SCUBE1: variants seen among roughly 807,000 people sequenced by gnomAD.
SCUBE1 encodes the protein signal peptide, CUB domain and EGF like domain containing 1, also known as signal peptide, CUB and EGF-like domain-containing protein 1.
In SCUBE1, 59 loss-of-function variants were observed where a neutral mutation model predicts 124.4. The observed-to-expected ratio is 0.47, with a 90% CI of 0.38 to 0.59. The LOEUF is 0.59. Ranked by LOEUF, SCUBE1 falls within the 20% of genes least tolerant of loss-of-function variation. The pLI is 0.00. For synonymous variants in SCUBE1, 545 were observed against 550.9 expected (o/e 0.99, Z 0.15); for missense variants, 1,150 against 1,371.2 (o/e 0.84, Z 2.55).
intron 1 of SCUBE1, among the ~76,000 whole-genome samples, 193 bp from the exon 2 acceptor site, chr22:43,339,428 G>GT (rs1317784341): frequency 6.6e-6 from 1 of 152,032 alleles, no homozygotes; most frequent in Non-Finnish European, 1.5e-5. Context: ...GCTACTCTGT[G>GT]GCAGGGACAA....
chr22:43,307,453 G>A (rs1272012971), intron 3 of SCUBE1, among the ~76,000 whole-genome samples: 1 of 152,242 alleles, frequency 6.6e-6, no homozygotes, highest in African/African-American at 2.4e-5. Flanking sequence ...GAGAAACAAG[G>A]AGAGCTGCGC....
chr22:43,273,950 G>C (rs1228224069), intron 4 of SCUBE1, among the ~76,000 whole-genome samples: 1 of 152,132 alleles, frequency 6.6e-6, no homozygotes, highest in Non-Finnish European at 1.5e-5. Flanking sequence ...CAAGCTGCAG[G>C]GGGTGCTCTG....
intron 3 of SCUBE1, among the ~76,000 whole-genome samples, chr22:43,304,967 G>C (rs1040064626): frequency 6.6e-6 from 1 of 152,116 alleles, no homozygotes; most frequent in African/African-American, 2.4e-5. Context: ...AATCTCAGAG[G>C]CCCCTCACCT....
Position 43,198,804 on chromosome 22 carries a change from T to TGGG in SCUBE1, c.*5192_*5193insCCC, listed in dbSNP as rs995203267. The TGGG allele has an allele frequency of 3.5e-5, 15 of 434,252 alleles. No homozygotes were observed. The Admixed American group carries it at 3.6e-4, about 10-fold the overall frequency. 26.9% of individuals were successfully genotyped at this position (434,252 alleles called of 1,614,324 possible). A position where few individuals can be genotyped will look rare whatever the true frequency, so the allele number is the denominator to read the frequency against. On this transcript the variant is annotated 3_prime_UTR_variant, in exon 22 of 22. Transcript: ENST00000360835. ...AGGTGAGCAGGCTGTCCAGGGCAGC[T>TGGG]TGTCTGCTGTCTGGGGCAGGGTGTC...
At chr22:43,261,428 C>T (rs1205551893) in intron 5 of SCUBE1, among the ~76,000 whole-genome samples, 1 of 152,238 alleles carries the variant, frequency 6.6e-6, no homozygotes, top group Non-Finnish European at 1.5e-5. Context: ...GAAGCACCTT[C>T]ACTTTGAAGA....
At chr22:43,244,748 A>T (rs1424120587) in intron 6 of SCUBE1, among the ~76,000 whole-genome samples, 1 of 152,180 alleles carries the variant, frequency 6.6e-6, no homozygotes, top group Non-Finnish European at 1.5e-5. Context: ...AACATCGCTG[A>T]GGTGCTTTTC....
chr22:43,269,507 C>T (rs562225970), intron 4 of SCUBE1, among the ~76,000 whole-genome samples: 97 of 152,254 alleles, frequency 6.4e-4, no homozygotes, highest in African/African-American at 2.1e-3. Context: ...TCCTGAGGGT[C>T]GTTGCTATGG....
At chr22:43,214,054 C>G in intron 16 of SCUBE1, 36 bp downstream of exon 16, 1 of 351,616 alleles carries the variant, frequency 2.8e-6, no homozygotes, top group East Asian at 9.1e-5. Context: ...CCCGCCCACC[C>G]CCCACCCCCA....
chr22:43,231,470 G>A (rs965415640), intron 8 of SCUBE1, among the ~76,000 whole-genome samples: 1 of 152,270 alleles, frequency 6.6e-6, no homozygotes, highest in Non-Finnish European at 1.5e-5. Flanking sequence ...TGGGAGGCCC[G>A]TGGGCCACCT....
chr22:43,271,447 T>C (rs954911455), intron 4 of SCUBE1, among the ~76,000 whole-genome samples: 23 of 152,198 alleles, frequency 1.5e-4, no homozygotes, highest in Admixed American at 1.2e-3. Flanking sequence ...GGATTTGGAC[T>C]GTGTCGGAAC....
At chr22:43,320,965 C>T (rs17003655) in intron 2 of SCUBE1, among the ~76,000 whole-genome samples, 12,446 of 152,236 alleles carry the variant, frequency 0.082, 837 homozygotes, top group East Asian at 0.33. Context: ...GGTGCCGGCT[C>T]TTCTGCAGGG....
In SCUBE1 at chr22:43,211,025, G is replaced by A. The variant is rs76683475; in HGVS notation, c.2280C>T (p.Pro760=). Residue 760 remains proline, a synonymous_variant, in exon 18 of 22, where the codon CCC becomes CCT. Coordinates refer to ENST00000360835, the MANE Select transcript of SCUBE1 (RefSeq NM_173050.5). This position sits in a 1 kb window ranked among gnomAD's most constrained non-coding sequence, Gnocchi z 4.5. ...CAAACTCGGGCTGGTAGGTGCCGACGGGGCAGCGGATGCAGCGGTGGGTGG... is the reference window on the plus strand; with the variant it reads ...CAAACTCGGGCTGGTAGGTGCCGACAGGGCAGCGGATGCAGCGGTGGGTGG... ...NTTTHRCIRC[P]VGTYQPEFGQ... 6.2e-3 allele frequency: 10,041 copies of A among 1,614,042 alleles called. 284 individuals are homozygous for A. In the African/African-American group the frequency reaches 0.078, roughly 13 times the overall value.
intron 4 of SCUBE1, among the ~76,000 whole-genome samples, chr22:43,274,812 G>A (rs138872944): frequency 1.8e-4 from 27 of 152,338 alleles, no homozygotes; most frequent in Middle Eastern, 3.4e-3. Context: ...TCCCGGCTGC[G>A]TCACAAGCAG....
chr22:43,243,364 C>T (rs377098909), intron 6 of SCUBE1, among the ~76,000 whole-genome samples: 12 of 152,288 alleles, frequency 7.9e-5, no homozygotes, highest in African/African-American at 2.6e-4. Context: ...GGCTGGGGCT[C>T]GAAAGCATGT....
chr22:43,224,301 C>T (rs150420592), intron 10 of SCUBE1, among the ~76,000 whole-genome samples: 10 of 152,248 alleles, frequency 6.6e-5, no homozygotes, highest in Admixed American at 6.5e-4. Flanking sequence ...GCTGCTCTCT[C>T]GTGCTGACTG....
At chr22:43,227,543 C>T (rs376823160) in intron 9 of SCUBE1, 47 bp from the exon 10 acceptor site, 38 of 1,591,752 alleles carry the variant, frequency 2.4e-5, no homozygotes, top group South Asian at 4.4e-5. Context: ...TGGCGGCTGG[C>T]GGCTGGCAGG....
At position 43,210,129 on chromosome 22, in the gene SCUBE1, G is replaced by T. The variant is rs375388305; in HGVS notation, c.2495C>A (p.Pro832Gln). The T allele has an allele frequency of 6.2e-7, 1 of 1,612,712 alleles. No homozygotes were observed. The highest frequency in any genetic ancestry group is 1.1e-5 in the South Asian group (1 of 91,026). The change falls in exon 19 of 22, where the codon CCA becomes CAA. Residue 832 changes from proline to glutamine, a missense_variant. Pro to Gln is a moderately conservative substitution (Grantham distance 76). Coordinates refer to ENST00000360835, the MANE Select transcript of SCUBE1 (RefSeq NM_173050.5). The surrounding 1 kb of genome is among the most constrained non-coding windows in gnomAD (Gnocchi z 4.5). Reference protein sequence around the residue: ...AECVWHIAPPPKRRILIVVPE... With the variant: ...AECVWHIAPPQKRRILIVVPE... ...GACCACGATGAGGATCCTGCGCTTT[G>T]GGGGAGGCGCGATGTGCCAGACGCA...
rs563578695 is a variant in SCUBE1, at chr22:43,234,722, A to T, written c.845-2847T>A. ...CCCCACCGCCCCACACCAGGCAGCC[A>T]GCACCACCTTCCGCACACAAATCTG... On this transcript the variant is annotated intron_variant, in intron 7 of 21. Transcript: ENST00000360835. This position sits in a 1 kb window ranked among gnomAD's most constrained non-coding sequence, Gnocchi z 4.4. Among the ~76,000 whole-genome samples, 47 of 151,928 alleles carry T rather than the reference A, an allele frequency of 3.1e-4. No homozygotes were observed. The highest frequency in any genetic ancestry group is 6.2e-4 in the Non-Finnish European group (42 of 67,950).
intron 4 of SCUBE1, among the ~76,000 whole-genome samples, chr22:43,281,509 T>C (rs202175880): frequency 0.02 from 1,010 of 50,048 alleles, 28 homozygotes; most frequent in East Asian, 0.12. Context: ...TGTCACCTCC[T>C]CCTCAGCCAC....
Sources: gnomAD v4.1 joint callset for allele counts (sites outside exome capture counted in the v4.1 genomes callset) on GRCh38, gnomAD v4.1.1 for gene constraint, Gnocchi (gnomAD v3.1) non-coding constraint, MANE v1.5 for transcripts, NCBI Gene and HGNC (gene_info 2026-07-23, HGNC 2026-07-21) for gene names.